UBAP2: variants seen among roughly 807,000 people sequenced by gnomAD.
The protein encoded by UBAP2 is ubiquitin associated protein 2.
In UBAP2, 75 loss-of-function variants were observed where a neutral mutation model predicts 139.6. The ratio of observed to expected loss-of-function variants is 0.54; its 90% CI spans 0.45 to 0.65. The LOEUF (loss-of-function observed/expected upper bound fraction) is 0.65, where lower values mean the gene tolerates loss of function less well. Ranked by LOEUF, UBAP2 falls within the 30% of genes least tolerant of loss-of-function variation. The pLI is 0.00. For synonymous variants in UBAP2, 526 were observed against 526.2 expected (o/e 1.00, Z 0.01); for missense variants, 1,368 against 1,369.6 (o/e 1.00, Z 0.02).
In UBAP2 at chr9:33,953,408, A is replaced by G. The variant is rs576447852; in HGVS notation, c.933T>C (p.Phe311=). Residue 311 remains phenylalanine, a synonymous_variant, in exon 12 of 29, where the codon TTT becomes TTC. Coordinates refer to ENST00000379238, the MANE Select transcript of UBAP2 (RefSeq NM_001370062.2). ...CAAAGCCCTGCTGTTGGGAAGTTTC[A>G]AAGGAGTTGGCTTCTGAGGCTTGAC... ...PHSQASEANS[F]ETSQQQGFGQ... is the part of the protein sequence containing the mutation. 6.2e-7 allele frequency: 1 copy of G among 1,614,208 alleles called. No homozygotes were observed. Among genetic ancestry groups the G allele is most frequent in the East Asian group, 2.2e-5 (1 of 44,892 alleles).
chr9:33,922,209 G>A lies in UBAP2; in HGVS notation c.*295C>T, dbSNP rs185516348. On this transcript the variant is annotated 3_prime_UTR_variant, in exon 29 of 29. Transcript: ENST00000379238. ...AGGCTGTGAAGAAGACCTGAAGGCAGATGGGGTGGGGGTGCTTATTTTGCT... is the reference window on the plus strand; with the variant it reads ...AGGCTGTGAAGAAGACCTGAAGGCAAATGGGGTGGGGGTGCTTATTTTGCT... 9.9e-3 allele frequency: 3,994 copies of A among 403,056 alleles called. 34 individuals carry two copies. The highest frequency in any genetic ancestry group is 0.012 in the Admixed American group (313 of 25,384). The allele number at this position is 403,056 out of a possible 1,614,324, so 25.0% of individuals were successfully genotyped here.
intron 1 of UBAP2, among the ~76,000 whole-genome samples, chr9:34,018,965 A>G (rs1305614153): frequency 2.0e-5 from 3 of 152,218 alleles, no homozygotes; most frequent in Non-Finnish European, 4.4e-5. Flanking sequence ...GTGTCCATCA[A>G]TAGATGAATG....
At position 34,038,143 on chromosome 9, in the gene UBAP2, GAAAAAA is replaced by G. The variant is rs78650365; in HGVS notation, c.-42+10676_-42+10681del. The stretch of plus-strand genomic sequence containing the variant: ...ATTGCACCACTGCACTCCAGCCTGG[GAAAAAA>G]AAAAAAAAAAAAAAAAAAAGGTCGG... On this transcript the variant is annotated intron_variant, in intron 1 of 28. Transcript: ENST00000379238. Among the ~76,000 whole-genome samples the G allele has an allele frequency of 7.1e-5, 9 of 127,228 alleles. No homozygotes were observed. The South Asian group carries it at 1.1e-3, about 15-fold the overall frequency. The allele number at this position is 127,228 out of a possible 152,430, so 83.5% of individuals were successfully genotyped here.
chr9:34,023,900 C>T (rs190983088), intron 1 of UBAP2, among the ~76,000 whole-genome samples: 11 of 152,096 alleles, frequency 7.2e-5, no homozygotes, highest in East Asian at 3.9e-4. Flanking sequence ...AAAAATTAGC[C>T]GGGCATGGTG....
intron 16 of UBAP2, among the ~76,000 whole-genome samples, chr9:33,937,380 A>C (rs1250532199): frequency 6.6e-6 from 1 of 151,902 alleles, no homozygotes; most frequent in East Asian, 1.9e-4. Context: ...GCCAAGGAGG[A>C]CGTATCATTT....
chr9:34,035,279 G>A (rs1826235348), intron 1 of UBAP2, among the ~76,000 whole-genome samples: 1 of 151,506 alleles, frequency 6.6e-6, no homozygotes, highest in South Asian at 2.1e-4. Flanking sequence ...GAGGCGGGCG[G>A]ATCACCTGAG....
intron 28 of UBAP2, 27 bp downstream of exon 28, chr9:33,922,660 G>A (rs1452176089): frequency 1.9e-6 from 3 of 1,579,798 alleles, no homozygotes; most frequent in East Asian, 2.2e-5. Flanking sequence ...CCCAGAGTAG[G>A]GTGGCTGCCT....
At chr9:33,931,852 A>G (rs1375146012) in intron 19 of UBAP2, among the ~76,000 whole-genome samples, 1 of 151,998 alleles carries the variant, frequency 6.6e-6, no homozygotes, top group Admixed American at 6.6e-5. Flanking sequence ...ACCTCGCCCA[A>G]CACCTCCTGT....
intron 1 of UBAP2, among the ~76,000 whole-genome samples, chr9:34,043,844 A>AT (rs1827313846): frequency 6.7e-6 from 1 of 149,978 alleles, no homozygotes; most frequent in African/African-American, 2.5e-5. Context: ...GGGGAAAAAA[A>AT]AGGCCAGGCA....
intron 6 of UBAP2, among the ~76,000 whole-genome samples, chr9:33,985,548 A>C (rs1217136844): frequency 2.6e-5 from 4 of 152,238 alleles, no homozygotes; most frequent in Non-Finnish European, 5.9e-5. Context: ...CATTGTGTTA[A>C]ATAAAATAAA....
intron 16 of UBAP2, among the ~76,000 whole-genome samples, chr9:33,937,892 G>A (rs1824727615): frequency 6.6e-6 from 1 of 152,070 alleles, no homozygotes; most frequent in African/African-American, 2.4e-5. Context: ...ACTCCAGCCT[G>A]GGCAACAACA....
chr9:33,980,216 ATTTCTT>A (rs1820520666), intron 6 of UBAP2, among the ~76,000 whole-genome samples: 1 of 77,310 alleles, frequency 1.3e-5, no homozygotes, highest in African/African-American at 4.3e-5. Flanking sequence ...CCTGAGTGTC[ATTTCTT>A]TTTTTTTTTT....
chr9:34,011,169 A>AT (rs1045537248), intron 2 of UBAP2, among the ~76,000 whole-genome samples: 5 of 152,102 alleles, frequency 3.3e-5, no homozygotes, highest in Non-Finnish European at 5.9e-5. Context: ...TAATAATCGC[A>AT]TTTTGCTGTA....
chr9:33,961,604 C>A (rs1178235488), intron 9 of UBAP2, among the ~76,000 whole-genome samples: 1 of 152,060 alleles, frequency 6.6e-6, no homozygotes, highest in Non-Finnish European at 1.5e-5. Flanking sequence ...GAAAAAAATG[C>A]CCATAGATAA....
Position 33,973,302 on chromosome 9 carries a change from C to A in UBAP2, c.521-65G>T, listed in dbSNP as rs1045123849. The A allele has an allele frequency of 3.9e-6, 6 of 1,520,054 alleles. No individual in the cohort carries two copies. The African/African-American group carries it at 8.2e-5, about 21-fold the overall frequency. The allele number at this position is 1,520,054 out of a possible 1,614,324, so 94.2% of individuals were successfully genotyped here. ...ATGTCCTACACAATTACACTTCCTT[C>A]TTCATCCTATACTCACTACCCAGAC... On this transcript the variant is annotated intron_variant, in intron 6 of 28. Transcript: ENST00000379238.
chr9:33,967,038 CTTCT>C (rs770715622), intron 8 of UBAP2, among the ~76,000 whole-genome samples: 10 of 151,770 alleles, frequency 6.6e-5, no homozygotes, highest in East Asian at 5.8e-4. Flanking sequence ...TATTTATTGT[CTTCT>C]TTATTTTCTC....
Position 33,973,211 on chromosome 9 carries a change from C to A in UBAP2, c.547G>T (p.Ala183Ser). 6.2e-7 allele frequency: 1 copy of A among 1,613,826 alleles called. No homozygotes were observed. Among genetic ancestry groups the A allele is most frequent in the Non-Finnish European group, 8.5e-7 (1 of 1,179,860 alleles). The change falls in exon 7 of 29, where the codon GCA (alanine) becomes TCA (serine). Residue 183 changes from alanine to serine, a missense_variant. Transcript: ENST00000379238. ...RGFGRGRGRG[A>S]GRFSTQGMGT... ...ATGCCTTGGGTTGAGAACCTTCCTGCCCCTCTCCCTCTGCCACGTCCAAAT... is the reference window on the plus strand; with the variant it reads ...ATGCCTTGGGTTGAGAACCTTCCTGACCCTCTCCCTCTGCCACGTCCAAAT...
chr9:34,028,102 G>T (rs1242004397), intron 1 of UBAP2, among the ~76,000 whole-genome samples: 1 of 151,784 alleles, frequency 6.6e-6, no homozygotes, highest in African/African-American at 2.4e-5. Context: ...TCTAGCAGCT[G>T]ATGGACAAGG....
rs750019244 is a variant in UBAP2, at chr9:33,927,875, C to T, written c.2293G>A (p.Ala765Thr). The T allele has an allele frequency of 8.7e-6, 14 of 1,614,088 alleles. No individual in the cohort carries two copies. The highest frequency in any genetic ancestry group is 6.7e-5 in the African/African-American group (5 of 74,934). The change falls in exon 20 of 29, where the codon GCG becomes ACG. Residue 765 changes from alanine to threonine, a missense_variant. By Grantham distance (58) the Ala-to-Thr change is moderately conservative. Coordinates refer to ENST00000379238, the MANE Select transcript of UBAP2 (RefSeq NM_001370062.2). ...GTCCCACCCAGACAGAGGCTGTTCG[C>T]GGTGTTCATGCTACTGGACAGGCTG... Reference protein sequence around the residue: ...GASLSSSMNTANSLCLGGTPA... With the variant: ...GASLSSSMNTTNSLCLGGTPA...
Sources: gnomAD v4.1 joint callset for allele counts (sites outside exome capture counted in the v4.1 genomes callset) on GRCh38, gnomAD v4.1.1 for gene constraint, MANE v1.5 for transcripts, NCBI Gene and HGNC (gene_info 2026-07-23, HGNC 2026-07-21) for gene names.